Variants in MARCHF4 observed in about 807,000 individuals in gnomAD.
The protein encoded by MARCHF4 is membrane associated ring-CH-type finger 4.
MARCHF4 carries 14 observed loss-of-function variants against 43.9 expected under a neutral mutation model. The observed-to-expected ratio is 0.32, with a 90% CI of 0.21 to 0.50. MARCHF4 has a LOEUF of 0.50. MARCHF4 is among the 20% of genes least tolerant of loss of function. The pLI is 0.98. For missense variants in MARCHF4, 468 were observed against 536.7 expected (o/e 0.87, Z 1.27); for synonymous variants, 226 against 213.3 (o/e 1.06, Z -0.52).
chr2:216,274,377 T>C (rs942955528), intron 3 of MARCHF4, among the ~76,000 whole-genome samples: 1 of 152,156 alleles, frequency 6.6e-6, no homozygotes, highest in Admixed American at 6.5e-5. Context: ...TCAGAATGTC[T>C]AGTTGAGCCT....
chr2:216,330,961 A>C lies in MARCHF4; in HGVS notation c.516+38784T>G, dbSNP rs964262759. On this transcript the variant is annotated intron_variant, in intron 1 of 3. Coordinates refer to ENST00000273067, the MANE Select transcript of MARCHF4 (RefSeq NM_020814.3). ...AATTAAACTCAAAGTGAGAAGAAGGAAGGGAATCATAAAAATAAGATCAGA... is the reference window on the plus strand; with the variant it reads ...AATTAAACTCAAAGTGAGAAGAAGGCAGGGAATCATAAAAATAAGATCAGA... Among the ~76,000 whole-genome samples, 15 of 152,230 alleles carry C rather than the reference A, an allele frequency of 9.9e-5. 1 individual carries two copies. The highest frequency in any genetic ancestry group is 3.4e-3 in the Middle Eastern group (1 of 294).
intron 1 of MARCHF4, among the ~76,000 whole-genome samples, chr2:216,302,250 G>A (rs931263745): frequency 6.6e-6 from 1 of 151,772 alleles, no homozygotes; most frequent in Non-Finnish European, 1.5e-5. Flanking sequence ...ACGGAGTCTC[G>A]CTCTGTCACC....
intron 1 of MARCHF4, among the ~76,000 whole-genome samples, chr2:216,290,688 G>A (rs2105944661): frequency 6.6e-6 from 1 of 152,304 alleles, no homozygotes; most frequent in African/African-American, 2.4e-5. Flanking sequence ...TATTGTAGCA[G>A]AGGAAGTCCT....
At chr2:216,302,269 A>T (rs1209230665) in intron 1 of MARCHF4, among the ~76,000 whole-genome samples, 1 of 151,978 alleles carries the variant, frequency 6.6e-6, no homozygotes, top group Middle Eastern at 3.2e-3. Flanking sequence ...CCCAGGCTGG[A>T]GTGCAGTGGT....
intron 1 of MARCHF4, among the ~76,000 whole-genome samples, chr2:216,341,913 G>A (rs1004687497): frequency 9.2e-5 from 14 of 152,228 alleles, no homozygotes; most frequent in East Asian, 3.9e-4. Context: ...GCAATATTAC[G>A]GCAATATTAA....
chr2:216,285,089 C>A (rs139544878), intron 1 of MARCHF4, among the ~76,000 whole-genome samples: 1 of 152,270 alleles, frequency 6.6e-6, no homozygotes, highest in East Asian at 1.9e-4. Context: ...CATCTTTGCA[C>A]CCCTTTCCTC....
intron 1 of MARCHF4, among the ~76,000 whole-genome samples, chr2:216,316,206 G>A (rs1020216251): frequency 2.6e-5 from 4 of 152,192 alleles, no homozygotes; most frequent in African/African-American, 9.7e-5. Context: ...CAGTCCTTCC[G>A]CCTTCGAGGC....
intron 3 of MARCHF4, among the ~76,000 whole-genome samples, chr2:216,276,892 C>T (rs1453457192): frequency 6.6e-6 from 1 of 152,124 alleles, no homozygotes; most frequent in Non-Finnish European, 1.5e-5. Context: ...ACCACCCAAA[C>T]TACATGGTGG....
At chr2:216,299,195 T>C (rs1202424034) in intron 1 of MARCHF4, among the ~76,000 whole-genome samples, 1 of 151,244 alleles carries the variant, frequency 6.6e-6, no homozygotes, top group East Asian at 1.9e-4. Flanking sequence ...AAGTCAGAAA[T>C]GAGCAGCAGT....
At chr2:216,265,205 C>T (rs1030612931) in intron 3 of MARCHF4, among the ~76,000 whole-genome samples, 2 of 152,170 alleles carry the variant, frequency 1.3e-5, no homozygotes, top group Admixed American at 1.3e-4. Flanking sequence ...GGCATAGTAA[C>T]ATCAGAAACC....
At chr2:216,303,664 G>A (rs1048328037) in intron 1 of MARCHF4, 4 of 152,202 alleles carry the variant, frequency 2.6e-5, no homozygotes, top group Non-Finnish European at 5.9e-5. Flanking sequence ...GGTTAGGTAA[G>A]TTCCTGGCTT....
chr2:216,298,631 A>C (rs958276320), intron 1 of MARCHF4, among the ~76,000 whole-genome samples: 1 of 152,216 alleles, frequency 6.6e-6, no homozygotes, highest in Non-Finnish European at 1.5e-5. Context: ...ATGTGCCCAG[A>C]GGCTGGGAAG....
At chr2:216,263,508 AGAG>A (rs765529851) in intron 3 of MARCHF4, among the ~76,000 whole-genome samples, 2 of 137,654 alleles carry the variant, frequency 1.5e-5, no homozygotes, top group Non-Finnish European at 3.1e-5. Context: ...AGAGAGAGAG[AGAG>A]AGAGAGAGAG....
At chr2:216,268,842 A>T (rs1454601243) in intron 3 of MARCHF4, among the ~76,000 whole-genome samples, 1 of 152,192 alleles carries the variant, frequency 6.6e-6, no homozygotes, top group African/African-American at 2.4e-5. Flanking sequence ...TTTTTGTGGC[A>T]TATGTATGTT....
At chr2:216,283,547 A>T (rs1294199805) in intron 2 of MARCHF4, 27 bp downstream of exon 2, 2 of 1,564,864 alleles carry the variant, frequency 1.3e-6, no homozygotes, top group African/African-American at 2.7e-5. Flanking sequence ...AGGCCCAGCA[A>T]CCCCACCAGG....
At chr2:216,268,830 A>G (rs1690888265) in intron 3 of MARCHF4, among the ~76,000 whole-genome samples, 1 of 152,206 alleles carries the variant, frequency 6.6e-6, no homozygotes, top group Non-Finnish European at 1.5e-5. Context: ...GAGAGGAAGG[A>G]ATTTTTGTGG....
At chr2:216,350,573 T>G (rs1559105559) in intron 1 of MARCHF4, among the ~76,000 whole-genome samples, 1 of 152,126 alleles carries the variant, frequency 6.6e-6, no homozygotes, top group Non-Finnish European at 1.5e-5. Context: ...CACCTCACTG[T>G]GACACCAGAC....
At chr2:216,285,562 C>T (rs764338456) in intron 1 of MARCHF4, among the ~76,000 whole-genome samples, 6 of 152,208 alleles carry the variant, frequency 3.9e-5, no homozygotes, top group Non-Finnish European at 8.8e-5. Flanking sequence ...GTTTTATGAA[C>T]GAGAAGTTTT....
At chr2:216,322,603 C>G (rs1255408111) in intron 1 of MARCHF4, among the ~76,000 whole-genome samples, 2 of 152,186 alleles carry the variant, frequency 1.3e-5, no homozygotes. Context: ...AGGCGGATCA[C>G]CTGAGATCAG....
Sources: gnomAD v4.1 joint callset for allele counts (sites outside exome capture counted in the v4.1 genomes callset) on GRCh38, gnomAD v4.1.1 for gene constraint, MANE v1.5 for transcripts, NCBI Gene and HGNC (gene_info 2026-07-23, HGNC 2026-07-21) for gene names.